SCUBE2: variants seen among roughly 807,000 people sequenced by gnomAD.
SCUBE2 encodes the protein signal peptide, CUB domain and EGF like domain containing 2.
In SCUBE2, 114 loss-of-function variants were observed where a neutral mutation model predicts 125.9. The observed-to-expected ratio is 0.91, with a 90% CI of 0.78 to 1.06. SCUBE2 has a LOEUF of 1.06. Ranked by LOEUF, SCUBE2 falls within the 50% of genes least tolerant of loss-of-function variation. The pLI is 0.00. For synonymous variants in SCUBE2, 459 were observed against 492.9 expected (o/e 0.93, Z 0.91); for missense variants, 1,255 against 1,301.8 (o/e 0.96, Z 0.55).
At chr11:9,073,051 G>A (rs1860938118) in intron 4 of SCUBE2, among the ~76,000 whole-genome samples, 1 of 152,178 alleles carries the variant, frequency 6.6e-6, no homozygotes, top group South Asian at 2.1e-4. Context: ...TTAACCTGCA[G>A]TTCCCACATC....
At chr11:9,070,854 C>A (rs1192392848) in intron 4 of SCUBE2, among the ~76,000 whole-genome samples, 2 of 152,220 alleles carry the variant, frequency 1.3e-5, no homozygotes, top group African/African-American at 4.8e-5. Flanking sequence ...TCTCTTAAAA[C>A]CCTCTTGCTC....
At chr11:9,054,727 T>TATATATATATATA (rs1858892511) in intron 10 of SCUBE2, among the ~76,000 whole-genome samples, 1 of 36,012 alleles carries the variant, frequency 2.8e-5, no homozygotes, top group Non-Finnish European at 5.5e-5. Flanking sequence ...ATATATATAT[T>TATATATATATATA]TTTTTTTTTT....
intron 16 of SCUBE2, among the ~76,000 whole-genome samples, chr11:9,037,098 T>C (rs1486875823): frequency 6.6e-6 from 1 of 152,202 alleles, no homozygotes; most frequent in Non-Finnish European, 1.5e-5. Flanking sequence ...CTCTGAAATA[T>C]CATGAAGGGA....
intron 2 of SCUBE2, among the ~76,000 whole-genome samples, chr11:9,087,230 G>A (rs950978314): frequency 4.6e-5 from 7 of 152,080 alleles, no homozygotes; most frequent in African/African-American, 1.7e-4. Context: ...CAAGAGTAAG[G>A]AAACTCTTGC....
chr11:9,060,879 G>A (rs1859612556), intron 7 of SCUBE2, among the ~76,000 whole-genome samples: 2 of 152,216 alleles, frequency 1.3e-5, no homozygotes, highest in Admixed American at 6.5e-5. Context: ...ACAGGGCAAA[G>A]GGGATGGTCC....
At chr11:9,081,657 AAAAC>A (rs148091168) in intron 2 of SCUBE2, among the ~76,000 whole-genome samples, 105,878 of 144,364 alleles carry the variant, frequency 0.73, 40,122 homozygotes, top group Non-Finnish European at 0.88. Flanking sequence ...CCACCTCAAA[AAAAC>A]AAACAAACAA....
rs971374895 is a variant in SCUBE2, at chr11:9,059,345, T to G, written c.1048A>C (p.Lys350Gln). ...NIVGSFDCGCKKGFKLLTDEK... is the reference protein window; with the variant it reads ...NIVGSFDCGCQKGFKLLTDEK... ...TCTGTTAATAATTTAAATCCTTTCT[T>G]GCAGCCGCAGTCAAAACTGCCCACG... is the stretch of plus-strand genomic sequence containing the variant. Residue 350 changes from lysine (K) to glutamine (Q), a missense_variant, in exon 9 of 23, where the codon AAG becomes CAG. Physicochemically the swap from Lys to Gln is moderately conservative, Grantham distance 53. Coordinates refer to ENST00000649792, the MANE Select transcript of SCUBE2 (RefSeq NM_001367977.2). The G allele has an allele frequency of 3.1e-6, 5 of 1,614,222 alleles. No individual in the cohort carries two copies. The highest frequency in any genetic ancestry group is 4.2e-6 in the Non-Finnish European group (5 of 1,180,046).
At chr11:9,036,270 C>A (rs1856744534) in intron 16 of SCUBE2, among the ~76,000 whole-genome samples, 2 of 152,192 alleles carry the variant, frequency 1.3e-5, no homozygotes, top group African/African-American at 4.8e-5. Context: ...AGACTGATGG[C>A]AAATAGAGTA....
At chr11:9,042,025 G>A (rs1191569608) in intron 16 of SCUBE2, among the ~76,000 whole-genome samples, 1 of 152,180 alleles carries the variant, frequency 6.6e-6, no homozygotes, top group Non-Finnish European at 1.5e-5. Flanking sequence ...CTGAGCCTGT[G>A]TGGACAGACT....
At chr11:9,072,430 G>C (rs957467335) in intron 4 of SCUBE2, among the ~76,000 whole-genome samples, 1 of 152,064 alleles carries the variant, frequency 6.6e-6, no homozygotes, top group Non-Finnish European at 1.5e-5. Flanking sequence ...GGATGGTCTC[G>C]ATCTCCTGAC....
chr11:9,058,812 T>TA, intron 9 of SCUBE2, among the ~76,000 whole-genome samples: 1 of 151,756 alleles, frequency 6.6e-6, no homozygotes, highest in Non-Finnish European at 1.5e-5. Context: ...AATTAAAAAA[T>TA]TAAAAAAACA....
Position 9,059,237 on chromosome 11 carries a change from G to T in SCUBE2, c.1090+66C>A, listed in dbSNP as rs559472031. On this transcript the variant is annotated intron_variant, in intron 9 of 22. Coordinates refer to ENST00000649792, the MANE Select transcript of SCUBE2 (RefSeq NM_001367977.2). ...TGATAAGCCAGTCTCTGCCAGGAGG[G>T]TGCTACGTTCTCTCTGCTCCAACCT... 2.5e-6 allele frequency: 4 copies of T among 1,569,408 alleles called. No individual in the cohort carries two copies. The South Asian group carries it at 3.5e-5, about 14-fold the overall frequency.
intron 20 of SCUBE2, 147 bp from the exon 21 acceptor site, chr11:9,026,001 G>C: frequency 1.3e-6 from 1 of 793,600 alleles, no homozygotes; most frequent in Non-Finnish European, 1.9e-6. Flanking sequence ...ATAAGTCAAA[G>C]GTCCTGGAAA....
intron 16 of SCUBE2, among the ~76,000 whole-genome samples, chr11:9,034,542 G>A (rs1222248225): frequency 6.6e-6 from 1 of 152,112 alleles, no homozygotes; most frequent in Non-Finnish European, 1.5e-5. Context: ...TAGTGAAAAT[G>A]AGACCCCTTC....
rs1286906715 is a variant in SCUBE2 at position 9,091,430 on chromosome 11, C to T, written c.99G>A (p.Pro33=). 22 of 1,331,896 alleles carry T rather than the reference C, an allele frequency of 1.7e-5. No homozygotes were observed. The highest frequency in any genetic ancestry group is 5.8e-5 in the South Asian group (3 of 51,852). The allele number at this position is 1,331,896 out of a possible 1,614,324, so 82.5% of individuals were successfully genotyped here. A position where few individuals can be genotyped will look rare whatever the true frequency, so the allele number is the denominator to read the frequency against. The change falls in exon 1 of 23, where the codon CCG becomes CCA. Residue 33 remains proline, a synonymous_variant. Coordinates refer to ENST00000649792, the MANE Select transcript of SCUBE2 (RefSeq NM_001367977.2). This position sits in a 1 kb window ranked among gnomAD's most constrained non-coding sequence, Gnocchi z 8.5. ...GCCCCGCGGCACGGCCCCGACCCGG[C>T]GGGACGGCCCCCGCCAGCAGCAGCA... ...PPLLLLAGAV[P]PGRGRAAGPQ...
intron 10 of SCUBE2, among the ~76,000 whole-genome samples, chr11:9,054,734 T>A (rs1349301498): frequency 8.9e-4 from 90 of 101,650 alleles, no homozygotes; most frequent in African/African-American, 2.1e-3. Context: ...TATTTTTTTT[T>A]TTTTTTTTTT....
At chr11:9,070,760 G>C (rs192143965) in intron 4 of SCUBE2, among the ~76,000 whole-genome samples, 220 of 152,328 alleles carry the variant, frequency 1.4e-3, no homozygotes, top group African/African-American at 4.9e-3. Context: ...TGCTTAAACG[G>C]AACAATTGTT....
intron 16 of SCUBE2, among the ~76,000 whole-genome samples, chr11:9,041,616 C>T (rs1295243739): frequency 6.6e-6 from 1 of 152,128 alleles, no homozygotes; most frequent in Non-Finnish European, 1.5e-5. Context: ...TTCGGCATCA[C>T]AGAGGTGGTT....
At position 9,074,582 on chromosome 11, in the gene SCUBE2, C is replaced by T; in HGVS notation, c.416G>A (p.Cys139Tyr). Residue 139 changes from cysteine (C) to tyrosine (Y), a missense_variant, in exon 4 of 23, where the codon TGC becomes TAC. Around this residue, in one of 3 missense-constraint regions of SCUBE2, gnomAD observed 362 missense variants for 323.0 expected, o/e 1.12. Transcript: ENST00000649792. ...CATGACGTTGACACAGGTATGCTGG[C>T]AGCCGCCATTGTTCTCCAGGCACTC... ...VDECLENNGG[C>Y]QHTCVNVMGS... 6.2e-7 allele frequency: 1 copy of T among 1,614,186 alleles called. No individual in the cohort carries two copies. The highest frequency in any genetic ancestry group is 8.5e-7 in the Non-Finnish European group (1 of 1,180,018).
Sources: gnomAD v4.1 joint callset for allele counts (sites outside exome capture counted in the v4.1 genomes callset) on GRCh38, gnomAD v4.1.1 for gene constraint, gnomAD v4.1.1 regional missense constraint, Gnocchi (gnomAD v3.1) non-coding constraint, MANE v1.5 for transcripts, NCBI Gene and HGNC (gene_info 2026-07-23, HGNC 2026-07-21) for gene names.